Variants in TMEM116 observed in about 807,000 individuals in gnomAD.
The protein encoded by TMEM116 is transmembrane protein 116.
TMEM116 carries 38 observed loss-of-function variants against 44.3 expected under a neutral mutation model. The ratio of observed to expected loss-of-function variants is 0.86; its 90% confidence interval spans 0.66 to 1.12. TMEM116 has a LOEUF of 1.12. Ranked by LOEUF, TMEM116 falls within the 50% of genes most tolerant of loss-of-function variation. The pLI is 0.00. For missense variants in TMEM116, 354 were observed against 401.7 expected (o/e 0.88, Z 1.01); for synonymous variants, 132 against 144.8 (o/e 0.91, Z 0.64).
intron 1 of TMEM116, chr12:112,010,943 C>G (rs1467593186): frequency 2.6e-5 from 4 of 152,254 alleles, no homozygotes; most frequent in African/African-American, 9.7e-5. Context: ...CCCTCCCTGA[C>G]CTGAAGGTGG....
chr12:112,003,713 T>C, intron 3 of TMEM116, 87 bp downstream of exon 3: 1 of 1,451,552 alleles, frequency 6.9e-7, no homozygotes, highest in Non-Finnish European at 9.0e-7. Context: ...ATAGAATTAT[T>C]TCACCACTTA....
chr12:111,956,005 G>A (rs554587652), intron 4 of TMEM116, among the ~76,000 whole-genome samples: 10 of 152,254 alleles, frequency 6.6e-5, no homozygotes, highest in South Asian at 6.2e-4. Flanking sequence ...GTCGTTAAAC[G>A]ATGCATGACT....
At chr12:111,979,414 T>C (rs896981935) in intron 4 of TMEM116, among the ~76,000 whole-genome samples, 1 of 152,170 alleles carries the variant, frequency 6.6e-6, no homozygotes, top group Non-Finnish European at 1.5e-5. Context: ...TATGATTCCA[T>C]TTATAGTAAA....
chr12:111,990,206 G>A (rs1244606943), intron 4 of TMEM116, among the ~76,000 whole-genome samples: 2 of 149,328 alleles, frequency 1.3e-5, no homozygotes, highest in African/African-American at 2.5e-5. Flanking sequence ...AGTGAGCCAA[G>A]ATCATGCCAC....
chr12:112,000,458 G>A (rs529889760), intron 3 of TMEM116, among the ~76,000 whole-genome samples: 6 of 151,622 alleles, frequency 4.0e-5, no homozygotes, highest in East Asian at 3.9e-4. Flanking sequence ...AGCACAGAGC[G>A]AGCTACTATT....
chr12:111,970,143 T>C (rs1312283330), intron 4 of TMEM116, among the ~76,000 whole-genome samples: 3 of 151,430 alleles, frequency 2.0e-5, no homozygotes, highest in Non-Finnish European at 4.4e-5. Flanking sequence ...TCCTAGATAC[T>C]TGGGAGGTGC....
intron 4 of TMEM116, among the ~76,000 whole-genome samples, chr12:111,949,943 C>T (rs1028730082): frequency 1.3e-5 from 2 of 152,022 alleles, no homozygotes; most frequent in African/African-American, 4.8e-5. Flanking sequence ...GGTGAGACCC[C>T]GTCTCTACTA....
chr12:111,931,688 TA>T lies in TMEM116; in HGVS notation c.946del (p.Tyr316IlefsTer5). ...TPLLCSQKRF[Y>X]SRGLNSLEST... Reference sequence around the variant, plus strand: ...TTCCAGTGAATTTAAGCCCCTGCTATAGAATCTCTTCTGTGAGCATAATAAT... The same window carrying T: ...TTCCAGTGAATTTAAGCCCCTGCTATGAATCTCTTCTGTGAGCATAATAAT... On this transcript the variant is annotated frameshift_variant, in exon 11 of 11. Coordinates refer to ENST00000552374, the MANE Select transcript of TMEM116 (RefSeq NM_001193531.2). LOFTEE classifies it high-confidence loss of function. 6.2e-7 allele frequency: 1 copy of T among 1,614,172 alleles called. No homozygotes were observed. Among genetic ancestry groups the T allele is most frequent in the Non-Finnish European group, 8.5e-7 (1 of 1,180,020 alleles).
chr12:111,940,565 G>GTATATATATATATATATATATATATA (rs1182152145), intron 5 of TMEM116, among the ~76,000 whole-genome samples: 5 of 127,928 alleles, frequency 3.9e-5, no homozygotes, highest in African/African-American at 1.5e-4. Flanking sequence ...ATATATATGT[G>GTATATATATATATATATATATATATA]TGTATATATA....
chr12:111,957,759 C>T (rs1026089242), intron 4 of TMEM116, among the ~76,000 whole-genome samples: 2 of 152,242 alleles, frequency 1.3e-5, no homozygotes, highest in Non-Finnish European at 2.9e-5. Flanking sequence ...CCGGCCACCA[C>T]CCCGTCTGGG....
At chr12:111,978,158 T>C (rs1180547894) in intron 4 of TMEM116, among the ~76,000 whole-genome samples, 2 of 149,792 alleles carry the variant, frequency 1.3e-5, no homozygotes, top group Non-Finnish European at 3.0e-5. Context: ...TCCCAGCACT[T>C]TGGGAGGCCG....
At chr12:111,957,614 G>A (rs914620463) in intron 4 of TMEM116, among the ~76,000 whole-genome samples, 2 of 151,710 alleles carry the variant, frequency 1.3e-5, no homozygotes, top group Non-Finnish European at 2.9e-5. Flanking sequence ...CCCCGTCCGG[G>A]AGGTGGGGGG....
intron 4 of TMEM116, among the ~76,000 whole-genome samples, chr12:111,976,653 A>C (rs1216551122): frequency 6.6e-6 from 1 of 152,236 alleles, no homozygotes; most frequent in Non-Finnish European, 1.5e-5. Context: ...TCAGCTATGA[A>C]TCAGATTTTG....
chr12:111,953,406 G>A (rs1333364228), intron 4 of TMEM116, among the ~76,000 whole-genome samples: 2 of 152,078 alleles, frequency 1.3e-5, no homozygotes, highest in Admixed American at 6.6e-5. Context: ...TTGATCAAAG[G>A]GGAGAAATGC....
chr12:111,952,297 A>C (rs1280410298), intron 4 of TMEM116, among the ~76,000 whole-genome samples: 4 of 152,310 alleles, frequency 2.6e-5, no homozygotes, highest in African/African-American at 9.6e-5. Context: ...GCTTCAAATC[A>C]ACCCAGTCAT....
intron 4 of TMEM116, among the ~76,000 whole-genome samples, chr12:111,984,005 A>T (rs1388978775): frequency 6.6e-6 from 1 of 152,224 alleles, no homozygotes; most frequent in African/African-American, 2.4e-5. Context: ...CCTGGAATGC[A>T]ACGATGGTTC....
intron 6 of TMEM116, among the ~76,000 whole-genome samples, chr12:111,937,547 G>A (rs1353367212): frequency 6.6e-6 from 1 of 152,152 alleles, no homozygotes; most frequent in African/African-American, 2.4e-5. Context: ...CAGAGTGAAA[G>A]GAAAATCTAC....
chr12:112,001,925 A>G (rs1360517163), intron 3 of TMEM116, among the ~76,000 whole-genome samples: 1 of 152,208 alleles, frequency 6.6e-6, no homozygotes, highest in Non-Finnish European at 1.5e-5. Context: ...CTGGAACAAG[A>G]CAAGGCTGCA....
At chr12:111,956,650 A>T (rs1312314320) in intron 4 of TMEM116, among the ~76,000 whole-genome samples, 1 of 152,022 alleles carries the variant, frequency 6.6e-6, no homozygotes, top group Non-Finnish European at 1.5e-5. Context: ...AGTGCCTGGG[A>T]CTGCAGGTGC....
Sources: gnomAD v4.1 joint callset for allele counts (sites outside exome capture counted in the v4.1 genomes callset) on GRCh38, gnomAD v4.1.1 for gene constraint, MANE v1.5 for transcripts, NCBI Gene and HGNC (gene_info 2026-07-23, HGNC 2026-07-21) for gene names.